The following ANKRD13D variants were observed in gnomAD, a reference collection of about 807,000 sequenced individuals.
The protein encoded by ANKRD13D is ankyrin repeat domain 13D, also known as ankyrin repeat domain-containing protein 13D.
A neutral mutation model predicts 68.8 loss-of-function variants in ANKRD13D; 24 were observed. The observed-to-expected ratio is 0.35, with a 90% confidence interval of 0.25 to 0.49. ANKRD13D has a LOEUF of 0.49. Ranked by LOEUF, ANKRD13D falls within the 20% of genes least tolerant of loss-of-function variation. ANKRD13D has a pLI of 0.99. For missense variants in ANKRD13D, 735 were observed against 832.1 expected (o/e 0.88, Z 1.44); for synonymous variants, 331 against 336.1 (o/e 0.98, Z 0.16).
Position 67,299,693 on chromosome 11 carries a change from C to G in ANKRD13D, c.880+82C>G. On this transcript the variant is annotated intron_variant, in intron 8 of 14. Coordinates refer to ENST00000511455, the MANE Select transcript of ANKRD13D (RefSeq NM_207354.3). This position sits in a 1 kb window ranked among gnomAD's most constrained non-coding sequence, Gnocchi z 6.2. ...GGCCTGGGATTAGGGGCCAGAGTTT[C>G]CCAGGATGAGCTGGGAGGCCTCCCC... is the stretch of plus-strand genomic sequence containing the variant. The G allele has an allele frequency of 6.5e-7, 1 of 1,530,218 alleles. No homozygotes were observed. Among genetic ancestry groups the G allele is most frequent in the South Asian group, 1.2e-5 (1 of 82,772 alleles). 94.8% of individuals were successfully genotyped at this position (1,530,218 alleles called of 1,614,324 possible).
Position 67,290,227 on chromosome 11 carries a change from C to G in ANKRD13D, c.226+14C>G. ...AGGGCTGGGCAGGTACTGCAGAGGA[C>G]AAGGGGCTCCCCCTGAGGCTGGCAG... On this transcript the variant is annotated intron_variant, in intron 2 of 14. Coordinates refer to ENST00000511455, the MANE Select transcript of ANKRD13D (RefSeq NM_207354.3). 2.6e-6 allele frequency: 4 copies of G among 1,542,004 alleles called. No homozygotes were observed. The highest frequency in any genetic ancestry group is 3.5e-6 in the Non-Finnish European group (4 of 1,146,648).
In ANKRD13D at chr11:67,300,083, A is replaced by G; in HGVS notation, c.1033A>G (p.Asn345Asp). The G allele has an allele frequency of 6.2e-7, 1 of 1,614,054 alleles. No individual in the cohort carries two copies. Among genetic ancestry groups the G allele is most frequent in the Non-Finnish European group, 8.5e-7 (1 of 1,179,962 alleles). Residue 345 changes from asparagine to aspartate, a missense_variant, in exon 10 of 15, where the codon AAC becomes GAC. Asn to Asp is a conservative substitution (Grantham distance 23). Transcript: ENST00000511455. The surrounding 1 kb of genome is among the most constrained non-coding windows in gnomAD (Gnocchi z 4.3). ...CCCCAACTTCAGCCTGGAGTCACGG[A>G]ACATTGGCCGCCCCATCGAGATGTC... ...FDPNFSLESR[N>D]IGRPIEMSSK... is the part of the protein sequence containing the mutation.
chr11:67,302,320 C>G lies in ANKRD13D; in HGVS notation c.1806C>G (p.Leu602=). 1 of 1,525,408 alleles carries G rather than the reference C, an allele frequency of 6.6e-7. No individual in the cohort carries two copies. The highest frequency in any genetic ancestry group is 8.9e-7 in the Non-Finnish European group (1 of 1,128,668). The allele number at this position is 1,525,408 out of a possible 1,614,324, so 94.5% of individuals were successfully genotyped here. A position where few individuals can be genotyped will look rare whatever the true frequency, so the allele number is the denominator to read the frequency against. ...TACAGCGGATCCTGCAGCTGTCACTCACTGAGCACTGAGCCATAGCCCCGG... is the reference window on the plus strand; with the variant it reads ...TACAGCGGATCCTGCAGCTGTCACTGACTGAGCACTGAGCCATAGCCCCGG... ...EDLQRILQLS[L]TEH is the part of the protein sequence containing the mutation. Residue 602 remains leucine (L), a synonymous_variant, in exon 15 of 15, where the codon CTC becomes CTG. Coordinates refer to ENST00000511455, the MANE Select transcript of ANKRD13D (RefSeq NM_207354.3).
intron 6 of ANKRD13D, among the ~76,000 whole-genome samples, chr11:67,295,367 A>C (rs369648359): frequency 7.9e-5 from 12 of 152,106 alleles, no homozygotes; most frequent in East Asian, 3.9e-4. Flanking sequence ...CAGTGAGCCA[A>C]AATCACGCCA....
intron 1 of ANKRD13D, 166 bp downstream of exon 1, chr11:67,289,716 C>T: frequency 7.3e-7 from 1 of 1,368,930 alleles, no homozygotes; most frequent in Non-Finnish European, 9.5e-7. Context: ...CCCCTCGCGC[C>T]TGAGCCTCTG....
chr11:67,291,560 G>A (rs1565075677), intron 4 of ANKRD13D, 39 bp downstream of exon 4: 1 of 1,613,720 alleles, frequency 6.2e-7, no homozygotes, highest in South Asian at 1.1e-5. Context: ...ATTTGGGGTG[G>A]GGCCTTTGGA....
At chr11:67,302,009 G>T in intron 14 of ANKRD13D, 110 bp from the exon 15 acceptor site, 1 of 1,394,292 alleles carries the variant, frequency 7.2e-7, no homozygotes, top group Non-Finnish European at 9.6e-7. Context: ...TCCTCTGCTT[G>T]CCACCCTGTC....
Position 67,299,009 on chromosome 11 carries a change from C to T in ANKRD13D, c.732-49C>T. 4 of 1,598,802 alleles carry T rather than the reference C, an allele frequency of 2.5e-6. No homozygotes were observed. The highest frequency in any genetic ancestry group is 3.4e-6 in the Non-Finnish European group (4 of 1,166,072). On this transcript the variant is annotated intron_variant, in intron 6 of 14. Coordinates refer to ENST00000511455, the MANE Select transcript of ANKRD13D (RefSeq NM_207354.3). This position sits in a 1 kb window ranked among gnomAD's most constrained non-coding sequence, Gnocchi z 6.2. ...GGGCTTTGGAAAGGAAGGCTTTGGC[C>T]AGCGTGTGAGGGTGCAGGTCTCACC...
Position 67,300,914 on chromosome 11 carries a change from C to T in ANKRD13D, c.1074-76C>T. ...GCAGAAGGTGGGTAAAGGCAGCTGC[C>T]CACGAACCAGAGGGCAGTCCTCAAT... On this transcript the variant is annotated intron_variant, in intron 10 of 14. Transcript: ENST00000511455. This position sits in a 1 kb window ranked among gnomAD's most constrained non-coding sequence, Gnocchi z 4.3. The T allele has an allele frequency of 1.9e-6, 3 of 1,560,770 alleles. No individual in the cohort carries two copies. The highest frequency in any genetic ancestry group is 2.6e-6 in the Non-Finnish European group (3 of 1,149,564).
chr11:67,289,512 C>G lies in ANKRD13D; in HGVS notation c.52C>G (p.Arg18Gly), dbSNP rs1039402945. 6.6e-7 allele frequency: 1 copy of G among 1,522,306 alleles called. No individual in the cohort carries two copies. Among genetic ancestry groups the G allele is most frequent in the Non-Finnish European group, 8.8e-7 (1 of 1,142,104 alleles). The allele number at this position is 1,522,306 out of a possible 1,614,324, so 94.3% of individuals were successfully genotyped here. Residue 18 changes from arginine (R) to glycine (G), a missense_variant, in exon 1 of 15, where the codon CGG (arginine) becomes GGG (glycine). By Grantham distance (125) the Arg-to-Gly change is moderately radical. Coordinates refer to ENST00000511455, the MANE Select transcript of ANKRD13D (RefSeq NM_207354.3). ...GCTGCACCGGCTCGTCTGGGCGAAC[C>G]GGCATCGCGAACTGGAGGCCGCACT... ...FPLHRLVWAN[R>G]HRELEAALHS...
chr11:67,300,080 C>T lies in ANKRD13D; in HGVS notation c.1030C>T (p.Arg344Trp), dbSNP rs1171005134. 8.7e-6 allele frequency: 14 copies of T among 1,613,978 alleles called. No individual in the cohort carries two copies. The highest frequency in any genetic ancestry group is 4.5e-5 in the East Asian group (2 of 44,902). Residue 344 changes from arginine to tryptophan, a missense_variant, in exon 10 of 15, where the codon CGG (arginine) becomes TGG (tryptophan). Coordinates refer to ENST00000511455, the MANE Select transcript of ANKRD13D (RefSeq NM_207354.3). This position sits in a 1 kb window ranked among gnomAD's most constrained non-coding sequence, Gnocchi z 4.3. ...YFDPNFSLES[R>W]NIGRPIEMSS... ...CGACCCCAACTTCAGCCTGGAGTCA[C>T]GGAACATTGGCCGCCCCATCGAGAT...
chr11:67,300,914 C>G lies in ANKRD13D; in HGVS notation c.1074-76C>G. 6.4e-7 allele frequency: 1 copy of G among 1,560,652 alleles called. No individual in the cohort carries two copies. Among genetic ancestry groups the G allele is most frequent in the East Asian group, 2.3e-5 (1 of 43,766 alleles). ...GCAGAAGGTGGGTAAAGGCAGCTGC[C>G]CACGAACCAGAGGGCAGTCCTCAAT... is the stretch of plus-strand genomic sequence containing the variant. On this transcript the variant is annotated intron_variant, in intron 10 of 14. Coordinates refer to ENST00000511455, the MANE Select transcript of ANKRD13D (RefSeq NM_207354.3). The surrounding 1 kb of genome is among the most constrained non-coding windows in gnomAD (Gnocchi z 4.3).
At chr11:67,289,847 C>T in intron 1 of ANKRD13D, 1 of 1,426,258 alleles carries the variant, frequency 7.0e-7, no homozygotes, top group Non-Finnish European at 9.1e-7. Context: ...AAACTCCTGA[C>T]AACCTGCAGC....
Position 67,301,587 on chromosome 11 carries a change from A to G in ANKRD13D, c.1448A>G (p.Asp483Gly), listed in dbSNP as rs767099014. The change falls in exon 13 of 15, where the codon GAC (aspartate) becomes GGC (glycine). Residue 483 changes from aspartate to glycine, a missense_variant. Transcript: ENST00000511455. This position sits in a 1 kb window ranked among gnomAD's most constrained non-coding sequence, Gnocchi z 4.5. ...MERNEPLRDE[D>G]DDLLQFAIQQ... ...CGCAACGAGCCCCTCCGGGACGAGG[A>G]CGATGACCTCCTGCAGTTCGCCATC... is the stretch of plus-strand genomic sequence containing the variant. 1 of 1,612,900 alleles carries G rather than the reference A, an allele frequency of 6.2e-7. No homozygotes were observed. Among genetic ancestry groups the G allele is most frequent in the South Asian group, 1.1e-5 (1 of 91,084 alleles).
chr11:67,296,968 G>A (rs1860777679), intron 6 of ANKRD13D, among the ~76,000 whole-genome samples: 1 of 152,008 alleles, frequency 6.6e-6, no homozygotes, highest in Admixed American at 6.6e-5. Flanking sequence ...CCTAGCTAAA[G>A]GTTTGTCAAT....
At chr11:67,290,951 C>T (rs1472926401) in intron 3 of ANKRD13D, 1 of 178,036 alleles carries the variant, frequency 5.6e-6, no homozygotes, top group Non-Finnish European at 1.2e-5. Context: ...GGCTGGCCCT[C>T]CACCTCCAGG....
At chr11:67,296,000 T>A (rs995403482) in intron 6 of ANKRD13D, among the ~76,000 whole-genome samples, 5 of 152,336 alleles carry the variant, frequency 3.3e-5, no homozygotes, top group East Asian at 1.9e-4. Context: ...TGTGATTTTT[T>A]AAAAAATTCT....
At chr11:67,290,953 A>G (rs986489920) in intron 3 of ANKRD13D, 3 of 176,468 alleles carry the variant, frequency 1.7e-5, no homozygotes, top group Admixed American at 1.1e-4. Context: ...CTGGCCCTCC[A>G]CCTCCAGGTG....
chr11:67,290,576 T>G (rs1435799319), intron 3 of ANKRD13D, 130 bp downstream of exon 3: 10 of 1,385,282 alleles, frequency 7.2e-6, no homozygotes, highest in Non-Finnish European at 9.7e-6. Context: ...AGGAGGTCTG[T>G]CTATCTTGAC....
Sources: allele counts gnomAD v4.1 joint callset (sites outside exome capture counted in the v4.1 genomes callset), GRCh38; gene constraint gnomAD v4.1.1; non-coding constraint Gnocchi (gnomAD v3.1); transcripts MANE v1.5; gene names NCBI Gene and HGNC (gene_info 2026-07-23, HGNC 2026-07-21).